Variants in EPB41 observed in about 807,000 individuals in gnomAD.
EPB41 encodes the protein protein 4.1.
Under a neutral mutation model 108.0 loss-of-function variants are expected in EPB41, and 65 were observed. The observed-to-expected ratio is 0.60, with a 90% CI of 0.49 to 0.74. The LOEUF (loss-of-function observed/expected upper bound fraction) is 0.74. EPB41 is among the 30% of genes least tolerant of loss of function. The pLI, the probability that EPB41 is intolerant of heterozygous loss-of-function variation, is 0.00. For missense variants in EPB41, 875 were observed against 1,037.0 expected, an observed-to-expected ratio of 0.84 and a Z score of 2.15; for synonymous variants, 336 against 358.9, an observed-to-expected ratio of 0.94 and a Z score of 0.72.
chr1:28,931,550 A>G (rs1267178858), intron 1 of EPB41, among the ~76,000 whole-genome samples: 2 of 146,516 alleles, frequency 1.4e-5, no homozygotes, highest in Admixed American at 1.4e-4. Flanking sequence ...TTTTTTTGAG[A>G]CAAAGTCTCG....
intron 1 of EPB41, among the ~76,000 whole-genome samples, chr1:28,973,843 G>T (rs374628326): frequency 1.1e-4 from 16 of 152,258 alleles, no homozygotes; most frequent in East Asian, 9.6e-4. Context: ...GAATATTTTT[G>T]ATGATAATCT....
intron 11 of EPB41, among the ~76,000 whole-genome samples, chr1:29,045,750 A>T (rs920019146): frequency 6.9e-6 from 1 of 144,702 alleles, no homozygotes; most frequent in African/African-American, 2.6e-5. Flanking sequence ...AGGTGGGAGG[A>T]TCGCTTGAGT....
At position 28,935,332 on chromosome 1, in the gene EPB41, G is replaced by T. The variant is rs998160714; in HGVS notation, c.-8+20564G>T. ...CATGCCTGTAGCCAGCTACTCGGGA[G>T]TCTGAGGCACAAGAATTGCTTGAGC... On this transcript the variant is annotated intron_variant, in intron 1 of 20. Coordinates refer to ENST00000343067, the MANE Select transcript of EPB41 (RefSeq NM_001376013.1). Among the ~76,000 whole-genome samples the T allele has an allele frequency of 6.6e-5, 10 of 151,420 alleles. No individual in the cohort carries two copies. In the South Asian group the frequency reaches 2.1e-3, roughly 32 times the overall value.
intron 12 of EPB41, 76 bp from the exon 13 acceptor site, chr1:29,058,513 C>A: frequency 1.5e-6 from 2 of 1,315,760 alleles, no homozygotes; most frequent in Non-Finnish European, 2.2e-6. Flanking sequence ...AAAGATGCAG[C>A]TTATTTGGAA....
intron 1 of EPB41, among the ~76,000 whole-genome samples, chr1:28,977,153 G>A (rs978107066): frequency 3.9e-5 from 6 of 151,986 alleles, no homozygotes; most frequent in Non-Finnish European, 5.9e-5. Context: ...GTGCCCAGTG[G>A]TTTTTTATTT....
intron 12 of EPB41, among the ~76,000 whole-genome samples, chr1:29,057,806 G>A (rs1645814251): frequency 6.6e-6 from 1 of 152,066 alleles, no homozygotes; most frequent in Non-Finnish European, 1.5e-5. Context: ...CTAGGCAGGA[G>A]ACCTTAGCTA....
rs575919760 is a variant in EPB41, at chr1:29,119,664, A to G, written c.*2852A>G. 165 of 152,892 alleles carry G rather than the reference A, an allele frequency of 1.1e-3. 1 individual carries two copies. The highest frequency in any genetic ancestry group is 3.5e-4 in the Non-Finnish European group (24 of 68,342). 9.5% of individuals were successfully genotyped at this position (152,892 alleles called of 1,614,324 possible). On this transcript the variant is annotated 3_prime_UTR_variant, in exon 21 of 21. Transcript: ENST00000343067. Reference sequence around the variant, plus strand: ...CTTGGCAGCTGGGGGTGAGGAGACAACAAACCTCGGGAACTGGAGCCAGAG... The same window carrying G: ...CTTGGCAGCTGGGGGTGAGGAGACAGCAAACCTCGGGAACTGGAGCCAGAG...
chr1:29,060,987 T>C (rs76278038), intron 15 of EPB41, among the ~76,000 whole-genome samples: 7 of 152,188 alleles, frequency 4.6e-5, no homozygotes, highest in Non-Finnish European at 1.0e-4. Context: ...GAGGGGAGCC[T>C]AGCATTTAAT....
At chr1:29,011,757 A>C in intron 4 of EPB41, 108 bp from the exon 5 acceptor site, 1 of 1,169,214 alleles carries the variant, frequency 8.6e-7, no homozygotes, top group Non-Finnish European at 1.2e-6. Flanking sequence ...AAGGAAATGC[A>C]GGTTGATCTG....
chr1:28,974,436 C>T (rs568773537), intron 1 of EPB41, among the ~76,000 whole-genome samples: 1 of 152,174 alleles, frequency 6.6e-6, no homozygotes, highest in East Asian at 1.9e-4. Context: ...GGGTAACCTC[C>T]AAGGGTAGAG....
At chr1:29,093,732 C>T (rs1182677868) in intron 16 of EPB41, among the ~76,000 whole-genome samples, 2 of 152,106 alleles carry the variant, frequency 1.3e-5, no homozygotes, top group East Asian at 3.9e-4. Context: ...TGGTGAAACT[C>T]CGTCTCTACT....
intron 1 of EPB41, among the ~76,000 whole-genome samples, chr1:28,977,512 T>C (rs1262648154): frequency 6.6e-6 from 1 of 152,076 alleles, no homozygotes; most frequent in Non-Finnish European, 1.5e-5. Context: ...AGGATTAGGA[T>C]TGAGATGGAA....
At chr1:28,894,190 C>T (rs2090431048) in intron 1 of EPB41, among the ~76,000 whole-genome samples, 1 of 152,160 alleles carries the variant, frequency 6.6e-6, no homozygotes. Flanking sequence ...TTCTTTTATT[C>T]ATGTAAGCCC....
At chr1:29,083,268 G>C (rs1657470269) in intron 16 of EPB41, among the ~76,000 whole-genome samples, 1 of 152,014 alleles carries the variant, frequency 6.6e-6, no homozygotes, top group Non-Finnish European at 1.5e-5. Context: ...ACACTAGAAA[G>C]GAAAGACAGA....
At chr1:29,109,269 C>T in intron 17 of EPB41, 67 bp from the exon 18 acceptor site, 1 of 1,204,574 alleles carries the variant, frequency 8.3e-7, no homozygotes, top group Non-Finnish European at 1.2e-6. Context: ...AAGAGCAAAG[C>T]TGCAGCCTGC....
At chr1:29,020,610 C>T (rs751604884) in intron 7 of EPB41, among the ~76,000 whole-genome samples, 9 of 151,474 alleles carry the variant, frequency 5.9e-5, no homozygotes, top group Non-Finnish European at 1.3e-4. Flanking sequence ...AGAGCTGAAC[C>T]GCAGAAAATG....
chr1:28,982,750 C>T, intron 1 of EPB41: 1 of 486,032 alleles, frequency 2.1e-6, no homozygotes, highest in South Asian at 2.0e-5. Context: ...CTTGTCTGCT[C>T]ATAACTTATA....
intron 8 of EPB41, among the ~76,000 whole-genome samples, chr1:29,031,302 A>T (rs2096786937): frequency 6.6e-6 from 1 of 152,226 alleles, no homozygotes; most frequent in Non-Finnish European, 1.5e-5. Context: ...GTGGGCAGCA[A>T]GTCCTGTTTC....
At chr1:29,072,944 A>C in intron 16 of EPB41, 1 of 151,868 alleles carries the variant, frequency 6.6e-6, no homozygotes, top group Non-Finnish European at 1.5e-5. Flanking sequence ...AACCCCACCT[A>C]TACTAAAAAT....
Sources: gnomAD v4.1 joint callset for allele counts (sites outside exome capture counted in the v4.1 genomes callset) on GRCh38, gnomAD v4.1.1 for gene constraint, MANE v1.5 for transcripts, NCBI Gene and HGNC (gene_info 2026-07-23, HGNC 2026-07-21) for gene names.